The following MYO9B variants were observed in gnomAD, a reference collection of about 807,000 sequenced individuals.
MYO9B encodes myosin IXB, also known as unconventional myosin-IXb.
MYO9B carries 71 observed loss-of-function variants against 229.5 expected under a neutral mutation model. That is an observed-to-expected ratio of 0.31 (90% CI 0.26 to 0.38). MYO9B has a LOEUF of 0.38. Ranked by LOEUF, MYO9B falls within the 10% of genes least tolerant of loss-of-function variation. The probability of loss-of-function intolerance (pLI) is 1.00; values close to 1 mark genes in which losing one functional copy is unlikely to be tolerated. For synonymous variants in MYO9B, 1,185 were observed against 1,235.8 expected, an observed-to-expected ratio of 0.96 and a Z score of 0.86; for missense variants, 2,255 against 2,920.5, an observed-to-expected ratio of 0.77 and a Z score of 5.25.
chr19:17,116,092 C>T (rs77099096), intron 2 of MYO9B, among the ~76,000 whole-genome samples: 1,701 of 152,204 alleles, frequency 0.011, 13 homozygotes, highest in South Asian at 0.044. Context: ...AGGAGCTGTG[C>T]GGGGTTCCCT....
intron 2 of MYO9B, among the ~76,000 whole-genome samples, chr19:17,117,457 G>A (rs563330367): frequency 6.6e-6 from 1 of 152,270 alleles, no homozygotes; most frequent in South Asian, 2.1e-4. Flanking sequence ...CTGCCCAGCT[G>A]CTGACTGGCC....
rs1477771600 is a variant in MYO9B, at chr19:17,101,636, G to A, written c.-58-24G>A. 6.2e-6 allele frequency: 9 copies of A among 1,462,024 alleles called. No individual in the cohort carries two copies. Among genetic ancestry groups the A allele is most frequent in the Non-Finnish European group, 7.2e-6 (8 of 1,110,852 alleles). 90.6% of individuals were successfully genotyped at this position (1,462,024 alleles called of 1,614,324 possible). A position where few individuals can be genotyped will look rare whatever the true frequency, so the allele number is the denominator to read the frequency against. ...AACTTCCTCCCACCATTCTGACCAT[G>A]CCTGGCTCTGACCTCCCTTCTAGCT... On this transcript the variant is annotated intron_variant, in intron 1 of 39. Coordinates refer to ENST00000682292, the MANE Select transcript of MYO9B (RefSeq NM_004145.4). The surrounding 1 kb of genome is among the most constrained non-coding windows in gnomAD (Gnocchi z 4.7).
chr19:17,097,306 G>A (rs1032653996), intron 1 of MYO9B, among the ~76,000 whole-genome samples: 2 of 150,182 alleles, frequency 1.3e-5, no homozygotes, highest in Non-Finnish European at 3.0e-5. Flanking sequence ...GGGTGATAAA[G>A]CGAGACTCCA....
At chr19:17,197,543 T>C (rs1488875331) in intron 22 of MYO9B, among the ~76,000 whole-genome samples, 1 of 152,178 alleles carries the variant, frequency 6.6e-6, no homozygotes, top group African/African-American at 2.4e-5. Context: ...TGGCTCACTC[T>C]CTGGGGTGGA....
intron 24 of MYO9B, 68 bp from the exon 25 acceptor site, chr19:17,200,225 C>A: frequency 6.4e-7 from 1 of 1,551,396 alleles, no homozygotes; most frequent in South Asian, 1.2e-5. Context: ...TGTCCAGTCA[C>A]AGGGAGGCTG....
intron 1 of MYO9B, among the ~76,000 whole-genome samples, chr19:17,098,044 A>ACC (rs2057709243): frequency 3.9e-5 from 2 of 51,308 alleles, no homozygotes; most frequent in African/African-American, 2.5e-4. Flanking sequence ...CATCCTTCAG[A>ACC]ACCCCCCCCC....
At position 17,180,988 on chromosome 19, in the gene MYO9B, C is replaced by T. The variant is rs570945934; in HGVS notation, c.2281C>T (p.Arg761Cys). ...ATTGCCCTGGCAGGGCGAGGACCCC[C>T]GTAGCCTTCTCCAGTCCCTCAGTCG... is the stretch of plus-strand genomic sequence containing the variant. ...KGLPWQGEDPRSLLQSLSRLQ... is the reference protein window; with the variant it reads ...KGLPWQGEDPCSLLQSLSRLQ... Residue 761 changes from arginine to cysteine, a missense_variant, in exon 15 of 40, where the codon CGT (arginine) becomes TGT (cysteine). Arg to Cys is a radical substitution (Grantham distance 180). Around this residue, in one of 7 missense-constraint regions of MYO9B, gnomAD observed 155 missense variants for 159.1 expected, o/e 0.97. Transcript: ENST00000682292. 33 of 1,611,304 alleles carry T rather than the reference C, an allele frequency of 2.0e-5. No homozygotes were observed. The highest frequency in any genetic ancestry group is 2.4e-5 in the Non-Finnish European group (28 of 1,178,960).
chr19:17,136,639 G>A (rs1054028865), intron 2 of MYO9B, among the ~76,000 whole-genome samples: 9 of 151,914 alleles, frequency 5.9e-5, no homozygotes, highest in African/African-American at 1.7e-4. Flanking sequence ...GTTCAACACC[G>A]TGTAGTGCAC....
At position 17,202,321 on chromosome 19, in the gene MYO9B, C is replaced by T. The variant is rs375596552; in HGVS notation, c.4836+18C>T. On this transcript the variant is annotated intron_variant, in intron 28 of 39. Coordinates refer to ENST00000682292, the MANE Select transcript of MYO9B (RefSeq NM_004145.4). ...CAGTGAAGGTGGGCAGCCCAGCATGCCACGCCCACCTGTGACATGCCACGC... is the reference window on the plus strand; with the variant it reads ...CAGTGAAGGTGGGCAGCCCAGCATGTCACGCCCACCTGTGACATGCCACGC... The T allele has an allele frequency of 9.0e-5, 139 of 1,548,050 alleles. 1 individual carries two copies. The African/African-American group carries it at 1.6e-3, about 18-fold the overall frequency.
chr19:17,075,801 A>C lies in MYO9B; in HGVS notation c.-132A>C, dbSNP rs924055575. 6.6e-6 allele frequency: 1 copy of C among 151,480 alleles called. No homozygotes were observed. The highest frequency in any genetic ancestry group is 6.6e-5 in the Admixed American group (1 of 15,082). The allele number at this position is 151,480 out of a possible 1,614,324, so 9.4% of individuals were successfully genotyped here. A position where few individuals can be genotyped will look rare whatever the true frequency, so the allele number is the denominator to read the frequency against. Reference sequence around the variant, plus strand: ...CGCGGCGGGGCGGAGCGGCTCGAGCAGCGGCGGGCTGGCAGGCGGTCGTCC... The same window carrying C: ...CGCGGCGGGGCGGAGCGGCTCGAGCCGCGGCGGGCTGGCAGGCGGTCGTCC... On this transcript the variant is annotated 5_prime_UTR_variant, in exon 1 of 40. Transcript: ENST00000682292.
chr19:17,208,212 G>A (rs1403845106), intron 35 of MYO9B, among the ~76,000 whole-genome samples: 10 of 146,430 alleles, frequency 6.8e-5, no homozygotes, highest in South Asian at 2.2e-4. Flanking sequence ...GGTGGCAGGC[G>A]CCTGTAATCC....
At chr19:17,136,553 G>A (rs572921259) in intron 2 of MYO9B, among the ~76,000 whole-genome samples, 4 of 152,196 alleles carry the variant, frequency 2.6e-5, no homozygotes, top group South Asian at 4.1e-4. Flanking sequence ...CTCCGCAGCC[G>A]GGGTGATTTG....
chr19:17,124,144 C>T (rs1012427068), intron 2 of MYO9B, among the ~76,000 whole-genome samples: 8 of 152,240 alleles, frequency 5.3e-5, no homozygotes, highest in African/African-American at 1.9e-4. Flanking sequence ...CCACCTTGGC[C>T]TCCCAAAGTG....
At chr19:17,158,283 C>G (rs1344291056) in intron 7 of MYO9B, among the ~76,000 whole-genome samples, 1 of 152,102 alleles carries the variant, frequency 6.6e-6, no homozygotes, top group Non-Finnish European at 1.5e-5. Flanking sequence ...TAGAGAAAGC[C>G]CCTGCCAGCC....
rs117500250 is a variant in MYO9B, at chr19:17,107,429, G to A, written c.840+4872G>A. Among the ~76,000 whole-genome samples, 176 of 152,236 alleles carry A rather than the reference G, an allele frequency of 1.2e-3. 3 individuals carry two copies. The East Asian group carries it at 0.033, about 28-fold the overall frequency. ...ATTGCCACCTAGGTCTCAGTTCAGG[G>A]TCCATGTCCTCCCCACCACGTTGCT... On this transcript the variant is annotated intron_variant, in intron 2 of 39. Transcript: ENST00000682292.
At chr19:17,168,147 A>G in intron 11 of MYO9B, 83 bp downstream of exon 11, 1 of 1,531,286 alleles carries the variant, frequency 6.5e-7, no homozygotes, top group Non-Finnish European at 8.8e-7. Context: ...GCCTTACCCC[A>G]AATCCAGACT....
At chr19:17,100,505 G>A (rs898296681) in intron 1 of MYO9B, among the ~76,000 whole-genome samples, 5 of 152,088 alleles carry the variant, frequency 3.3e-5, no homozygotes, top group African/African-American at 1.2e-4. Flanking sequence ...AAAGAAATTG[G>A]TATTGGCAGA....
At chr19:17,153,710 AG>A (rs1249025748) in intron 4 of MYO9B, among the ~76,000 whole-genome samples, 3 of 150,228 alleles carry the variant, frequency 2.0e-5, no homozygotes, top group Non-Finnish European at 4.4e-5. Context: ...AAAAAAAAAA[AG>A]AAAAGAAAGA....
intron 21 of MYO9B, 95 bp from the exon 22 acceptor site, chr19:17,194,461 C>G: frequency 7.1e-7 from 1 of 1,412,192 alleles, no homozygotes; most frequent in Admixed American, 2.1e-5. Flanking sequence ...GAAGCCCCGT[C>G]TGCAGCCCGC....
Sources: allele counts gnomAD v4.1 joint callset (sites outside exome capture counted in the v4.1 genomes callset), GRCh38; gene constraint gnomAD v4.1.1; regional missense constraint gnomAD v4.1.1; non-coding constraint Gnocchi (gnomAD v3.1); transcripts MANE v1.5; gene names NCBI Gene and HGNC (gene_info 2026-07-23, HGNC 2026-07-21).